Variants in CDK19 observed in about 807,000 individuals in gnomAD.
CDK19 encodes cyclin-dependent kinase 19.
A neutral mutation model predicts 68.3 loss-of-function variants in CDK19; 20 were observed. That is an observed-to-expected ratio of 0.29 (90% confidence interval 0.21 to 0.43). The LOEUF (loss-of-function observed/expected upper bound fraction) is 0.43, where lower values mean the gene tolerates loss of function less well. CDK19 is among the 20% of genes least tolerant of loss of function. The probability of loss-of-function intolerance (pLI) is 1.00; values close to 1 mark genes in which losing one functional copy is unlikely to be tolerated. For missense variants in CDK19, 339 were observed against 623.5 expected, an observed-to-expected ratio of 0.54 and a Z score of 4.86; for synonymous variants, 221 against 222.8, an observed-to-expected ratio of 0.99 and a Z score of 0.07.
intron 5 of CDK19, among the ~76,000 whole-genome samples, chr6:110,637,187 T>G (rs1448741693): frequency 1.3e-5 from 2 of 152,260 alleles, no homozygotes. Context: ...TATAGTAAAC[T>G]GTTCATTTTA....
chr6:110,719,881 C>T (rs1775698980), intron 2 of CDK19, among the ~76,000 whole-genome samples: 2 of 151,994 alleles, frequency 1.3e-5, no homozygotes, highest in African/African-American at 4.8e-5. Context: ...CAGGCATGCG[C>T]CACCATGTCC....
At chr6:110,629,225 A>G (rs1161149968) in intron 6 of CDK19, among the ~76,000 whole-genome samples, 2 of 152,224 alleles carry the variant, frequency 1.3e-5, no homozygotes, top group African/African-American at 4.8e-5. Context: ...AGCAGGTGGC[A>G]GTACATTCAA....
At chr6:110,653,912 C>A (rs1306391016) in intron 4 of CDK19, among the ~76,000 whole-genome samples, 1 of 152,118 alleles carries the variant, frequency 6.6e-6, no homozygotes, top group Non-Finnish European at 1.5e-5. Flanking sequence ...GATACACAAT[C>A]TTCCTACTAC....
intron 1 of CDK19, among the ~76,000 whole-genome samples, chr6:110,794,411 T>TC (rs1429635277): frequency 1.4e-5 from 2 of 146,560 alleles, no homozygotes; most frequent in Non-Finnish European, 3.0e-5. Context: ...TGAAACTTTT[T>TC]TTTTTTTTTT....
At chr6:110,689,939 A>C (rs1466925185) in intron 2 of CDK19, among the ~76,000 whole-genome samples, 1 of 152,190 alleles carries the variant, frequency 6.6e-6, no homozygotes, top group East Asian at 1.9e-4. Flanking sequence ...CCGTGGGACA[A>C]AATCATTGCG....
In CDK19 at chr6:110,611,336, GC is replaced by G. The variant is rs918057709; in HGVS notation, c.*3198del. The G allele has an allele frequency of 2.6e-5, 4 of 152,226 alleles. No homozygotes were observed. The highest frequency in any genetic ancestry group is 9.6e-5 in the African/African-American group (4 of 41,454). The allele number at this position is 152,226 out of a possible 1,614,324, so 9.4% of individuals were successfully genotyped here. A position where few individuals can be genotyped will look rare whatever the true frequency, so the allele number is the denominator to read the frequency against. On this transcript the variant is annotated 3_prime_UTR_variant, in exon 13 of 13. Transcript: ENST00000368911. Reference sequence around the variant, plus strand: ...TGGGTGTTCCCATAGGCTGAGGGATGCCCCTCCTGTACCCTTGGGGGACATA... The same window carrying G: ...TGGGTGTTCCCATAGGCTGAGGGATGCCCTCCTGTACCCTTGGGGGACATA...
chr6:110,692,348 T>C (rs989304511), intron 2 of CDK19, among the ~76,000 whole-genome samples: 2 of 149,902 alleles, frequency 1.3e-5, no homozygotes, highest in African/African-American at 2.4e-5. Context: ...TGTAATGTAG[T>C]AGAAAGTTTT....
chr6:110,677,717 T>C (rs1025326762), intron 2 of CDK19, among the ~76,000 whole-genome samples: 2 of 152,134 alleles, frequency 1.3e-5, no homozygotes, highest in African/African-American at 4.8e-5. Flanking sequence ...TCTGTACATG[T>C]TTTATGACTC....
intron 4 of CDK19, among the ~76,000 whole-genome samples, chr6:110,660,658 C>T (rs1460585941): frequency 6.6e-6 from 1 of 152,194 alleles, no homozygotes; most frequent in Non-Finnish European, 1.5e-5. Flanking sequence ...GTCCAGCCAT[C>T]TCCAACTAGA....
chr6:110,651,265 C>CTAT (rs1780952238), intron 4 of CDK19, among the ~76,000 whole-genome samples: 2 of 151,634 alleles, frequency 1.3e-5, no homozygotes, highest in African/African-American at 2.4e-5. Context: ...ATCTATCTAT[C>CTAT]CGTCTAACAC....
intron 4 of CDK19, among the ~76,000 whole-genome samples, chr6:110,644,866 T>C (rs912905317): frequency 1.3e-5 from 2 of 152,010 alleles, no homozygotes; most frequent in Non-Finnish European, 1.5e-5. Flanking sequence ...AATTAAAAAA[T>C]TTCAAAACAA....
chr6:110,611,837 T>A lies in CDK19; in HGVS notation c.*2698A>T, dbSNP rs1778041564. 6.6e-6 allele frequency: 1 copy of A among 151,036 alleles called. No homozygotes were observed. The highest frequency in any genetic ancestry group is 2.1e-4 in the South Asian group (1 of 4,800). The allele number at this position is 151,036 out of a possible 1,614,324, so 9.4% of individuals were successfully genotyped here. A position where few individuals can be genotyped will look rare whatever the true frequency, so the allele number is the denominator to read the frequency against. On this transcript the variant is annotated 3_prime_UTR_variant, in exon 13 of 13. Coordinates refer to ENST00000368911, the MANE Select transcript of CDK19 (RefSeq NM_015076.5). ...TTAAAGGAAAGAAAATGATCCAAAA[T>A]TATTACTAAGGGTAAAGGGAATCAG...
At chr6:110,645,716 G>A (rs1780516193) in intron 4 of CDK19, 2 of 433,260 alleles carry the variant, frequency 4.6e-6, no homozygotes, top group South Asian at 4.3e-5. Context: ...GACGGCTGGA[G>A]GCCAACAGAG....
At chr6:110,742,462 T>C (rs1777751708) in intron 2 of CDK19, among the ~76,000 whole-genome samples, 1 of 152,172 alleles carries the variant, frequency 6.6e-6, no homozygotes, top group Admixed American at 6.5e-5. Flanking sequence ...TAACAGTGAT[T>C]TTCAGGGAAC....
At chr6:110,653,095 C>G (rs975924386) in intron 4 of CDK19, among the ~76,000 whole-genome samples, 2 of 152,094 alleles carry the variant, frequency 1.3e-5, no homozygotes. Context: ...GTTAAGGTCT[C>G]AAGATACTTG....
At chr6:110,751,582 C>T (rs1315817838) in intron 1 of CDK19, among the ~76,000 whole-genome samples, 2 of 152,112 alleles carry the variant, frequency 1.3e-5, no homozygotes, top group African/African-American at 4.8e-5. Context: ...AAATGTAATG[C>T]ACTTGAATCA....
In CDK19 at chr6:110,791,347, A is replaced by G. The variant is rs1276048722; in HGVS notation, c.128+23662T>C. Among the ~76,000 whole-genome samples, 5 of 152,204 alleles carry G rather than the reference A, an allele frequency of 3.3e-5. No homozygotes were observed. In the East Asian group the frequency reaches 5.8e-4, roughly 18 times the overall value. On this transcript the variant is annotated intron_variant, in intron 1 of 12. Coordinates refer to ENST00000368911, the MANE Select transcript of CDK19 (RefSeq NM_015076.5). ...GGTCAGAAAGCAGATTTTTACCCAT[A>G]CTCACAAGAATAACTGCATATAATT...
At chr6:110,714,659 C>T (rs983280414) in intron 2 of CDK19, among the ~76,000 whole-genome samples, 16 of 150,552 alleles carry the variant, frequency 1.1e-4, no homozygotes, top group African/African-American at 2.9e-4. Flanking sequence ...TAATTAATGA[C>T]GTTGAGCATC....
intron 1 of CDK19, among the ~76,000 whole-genome samples, chr6:110,802,387 G>C (rs1415421847): frequency 1.3e-5 from 2 of 152,134 alleles, no homozygotes; most frequent in Non-Finnish European, 2.9e-5. Context: ...AACATGGGTT[G>C]GGCTGGAGGC....
Sources: gnomAD v4.1 joint callset for allele counts (sites outside exome capture counted in the v4.1 genomes callset) on GRCh38, gnomAD v4.1.1 for gene constraint, MANE v1.5 for transcripts, NCBI Gene and HGNC (gene_info 2026-07-23, HGNC 2026-07-21) for gene names.